Variants in GRIP1 observed in about 807,000 individuals in gnomAD.
GRIP1 encodes glutamate receptor-interacting protein 1.
A neutral mutation model predicts 129.9 loss-of-function variants in GRIP1; 45 were observed. That is an observed-to-expected ratio of 0.35 (90% CI 0.27 to 0.44). The LOEUF (loss-of-function observed/expected upper bound fraction) is 0.44, where lower values mean the gene tolerates loss of function less well. Among genes scored for constraint, GRIP1 ranks in the 20% least tolerant of loss-of-function variants. The pLI is 1.00. For synonymous variants in GRIP1, 530 were observed against 520.8 expected (o/e 1.02, Z -0.24); for missense variants, 1,196 against 1,396.8 (o/e 0.86, Z 2.29).
intron 1 of GRIP1, chr12:67,069,013 CCCTGCCCTCCCTCCCCGGCCCCGCCG>C: frequency 1.1e-6 from 1 of 909,168 alleles, no homozygotes; most frequent in Non-Finnish European, 1.3e-6. Context: ...CGGCCCGGAC[CCCTGCCCTCCCTCCCCGGCCCCGCCG>C]CCTGGCTCAC....
chr12:66,827,434 G>A (rs1310646053), intron 1 of GRIP1, among the ~76,000 whole-genome samples: 3 of 151,180 alleles, frequency 2.0e-5, no homozygotes, highest in Non-Finnish European at 4.4e-5. Flanking sequence ...GACAGCGAGA[G>A]CAAGAGAGTG....
chr12:67,031,224 G>C (rs1245477374), intron 1 of GRIP1, among the ~76,000 whole-genome samples: 1 of 152,058 alleles, frequency 6.6e-6, no homozygotes, highest in Non-Finnish European at 1.5e-5. Flanking sequence ...ACCTTCTAAT[G>C]GTGAAAGTCA....
intron 1 of GRIP1, among the ~76,000 whole-genome samples, chr12:66,989,764 A>T (rs1459653654): frequency 6.6e-6 from 1 of 152,232 alleles, no homozygotes; most frequent in African/African-American, 2.4e-5. Context: ...TTTATAGGAA[A>T]TGGAATCCCT....
chr12:66,475,847 A>G (rs1026621793), intron 7 of GRIP1, among the ~76,000 whole-genome samples: 4 of 152,328 alleles, frequency 2.6e-5, no homozygotes, highest in African/African-American at 7.2e-5. Flanking sequence ...AGGGAAATTT[A>G]TAACACTAAA....
chr12:66,912,849 G>A (rs1009153341), intron 1 of GRIP1, among the ~76,000 whole-genome samples: 4 of 151,974 alleles, frequency 2.6e-5, no homozygotes, highest in African/African-American at 9.7e-5. Context: ...TAATAGAAAA[G>A]GCATGACTAT....
At chr12:66,452,314 C>T (rs2058830861) in intron 11 of GRIP1, among the ~76,000 whole-genome samples, 1 of 152,172 alleles carries the variant, frequency 6.6e-6, no homozygotes, top group South Asian at 2.1e-4. Context: ...AGAGGGCTCC[C>T]TCTATGACAT....
At chr12:66,623,918 T>G (rs1291177788) in intron 1 of GRIP1, among the ~76,000 whole-genome samples, 1 of 152,184 alleles carries the variant, frequency 6.6e-6, no homozygotes, top group East Asian at 1.9e-4. Context: ...AAATTTATTA[T>G]CTTTTGGTTT....
intron 1 of GRIP1, among the ~76,000 whole-genome samples, chr12:66,727,743 A>C (rs183545418): frequency 1.3e-5 from 2 of 152,324 alleles, no homozygotes. Flanking sequence ...AAAAGACTAG[A>C]AATGCCATGG....
chr12:66,879,481 T>C (rs1324760485), intron 1 of GRIP1, among the ~76,000 whole-genome samples: 2 of 151,998 alleles, frequency 1.3e-5, no homozygotes, highest in African/African-American at 4.8e-5. Flanking sequence ...GGCCACATAC[T>C]GAGCAAACCA....
At position 66,523,516 on chromosome 12, in the gene GRIP1, A is replaced by G. The variant is rs969892353; in HGVS notation, c.503-5540T>C. On this transcript the variant is annotated intron_variant, in intron 5 of 24. Coordinates refer to ENST00000359742, the MANE Select transcript of GRIP1 (RefSeq NM_001366722.1). ...TCACCACCAGGCCTGCCCTAAAAGA[A>G]CTCCTGAAGGAAGCACTAAACATGG... Among the ~76,000 whole-genome samples, 23 of 151,820 alleles carry G rather than the reference A, an allele frequency of 1.5e-4. No homozygotes were observed. The South Asian group carries it at 1.9e-3, about 12-fold the overall frequency.
At chr12:66,899,528 A>AT (rs1285752406) in intron 1 of GRIP1, among the ~76,000 whole-genome samples, 5 of 150,938 alleles carry the variant, frequency 3.3e-5, no homozygotes, top group African/African-American at 1.2e-4. Context: ...ATACCTGGCT[A>AT]TTTTTTTTTA....
At chr12:66,662,987 G>A (rs2033600206) in intron 1 of GRIP1, among the ~76,000 whole-genome samples, 2 of 152,124 alleles carry the variant, frequency 1.3e-5, no homozygotes. Context: ...CCATAATACT[G>A]CTGTCAGAAT....
At chr12:66,727,643 G>T (rs550882206) in intron 1 of GRIP1, among the ~76,000 whole-genome samples, 5 of 152,160 alleles carry the variant, frequency 3.3e-5, no homozygotes, top group Admixed American at 3.3e-4. Flanking sequence ...AGGGAAAAAT[G>T]CAGAATTAGA....
At chr12:66,783,494 A>C (rs1486185150) in intron 1 of GRIP1, among the ~76,000 whole-genome samples, 2 of 152,210 alleles carry the variant, frequency 1.3e-5, no homozygotes, top group Non-Finnish European at 2.9e-5. Flanking sequence ...GCAACTTATA[A>C]GTGAGGTGGC....
chr12:66,723,304 C>CTTTTTTTTTTTTT (rs57938064), intron 1 of GRIP1, among the ~76,000 whole-genome samples: 1 of 58,430 alleles, frequency 1.7e-5, no homozygotes, highest in African/African-American at 8.5e-5. Flanking sequence ...TTCTTTCTTT[C>CTTTTTTTTTTTTT]TTTTTTTTTT....
intron 23 of GRIP1, among the ~76,000 whole-genome samples, chr12:66,355,872 C>T (rs1211489547): frequency 6.6e-6 from 1 of 152,188 alleles, no homozygotes; most frequent in Non-Finnish European, 1.5e-5. Flanking sequence ...TGAGGATCAA[C>T]CATGATGTCC....
chr12:66,652,964 C>T (rs1400492173), intron 1 of GRIP1, among the ~76,000 whole-genome samples: 3 of 152,212 alleles, frequency 2.0e-5, no homozygotes, highest in African/African-American at 7.2e-5. Flanking sequence ...ACTTGAAAGA[C>T]TCCAGAGGTA....
chr12:66,713,816 G>A (rs545936620), intron 1 of GRIP1, among the ~76,000 whole-genome samples: 40 of 152,120 alleles, frequency 2.6e-4, no homozygotes, highest in African/African-American at 8.9e-4. Context: ...ACAGAAACTA[G>A]GTCCTTTTCA....
At chr12:66,661,459 CA>C (rs576128556) in intron 1 of GRIP1, among the ~76,000 whole-genome samples, 1,691 of 43,114 alleles carry the variant, frequency 0.039, 36 homozygotes, top group African/African-American at 0.083. Context: ...TAGATTTTGG[CA>C]AAAAAAAAAA....
Sources: allele counts gnomAD v4.1 joint callset (sites outside exome capture counted in the v4.1 genomes callset), GRCh38; gene constraint gnomAD v4.1.1; transcripts MANE v1.5; gene names NCBI Gene and HGNC (gene_info 2026-07-23, HGNC 2026-07-21).